The following MALRD1 variants were observed in gnomAD, a reference collection of about 807,000 sequenced individuals.
MALRD1 encodes MAM and LDL-receptor class A domain-containing protein 1.
A neutral mutation model predicts 242.1 loss-of-function variants in MALRD1; 247 were observed. The observed-to-expected ratio is 1.02, with a 90% CI of 0.92 to 1.13. The LOEUF (loss-of-function observed/expected upper bound fraction) is 1.13. Ranked by LOEUF, MALRD1 falls within the 50% of genes most tolerant of loss-of-function variation. The pLI, the probability that MALRD1 is intolerant of heterozygous loss-of-function variation, is 0.00. For synonymous variants in MALRD1, 995 were observed against 866.6 expected (o/e 1.15, Z -2.60); for missense variants, 2,989 against 2,533.1 (o/e 1.18, Z -3.86).
intron 18 of MALRD1, among the ~76,000 whole-genome samples, chr10:19,221,847 A>G (rs943366047): frequency 1.3e-5 from 2 of 152,142 alleles, no homozygotes; most frequent in Admixed American, 6.5e-5. Context: ...ACACATTTAT[A>G]TAACCTACGT....
intron 5 of MALRD1, among the ~76,000 whole-genome samples, chr10:19,117,383 C>T (rs1228437821): frequency 2.6e-5 from 4 of 151,058 alleles, no homozygotes; most frequent in Admixed American, 2.0e-4. Context: ...ACAAGAGCTA[C>T]GTTTTTAATT....
intron 18 of MALRD1, among the ~76,000 whole-genome samples, chr10:19,230,387 CA>C (rs1013441030): frequency 5.4e-5 from 8 of 148,558 alleles, no homozygotes; most frequent in Non-Finnish European, 8.9e-5. Context: ...CACCTGCTTC[CA>C]GGGGGGGCCT....
At chr10:19,446,077 C>CTCCGAGCCGGGCGTGGGACT (rs1834960372) in intron 28 of MALRD1, among the ~76,000 whole-genome samples, 1 of 151,926 alleles carries the variant, frequency 6.6e-6, no homozygotes. Flanking sequence ...GGCGTGGGAC[C>CTCCGAGCCGGGCGTGGGACT]CTCCGAGCCA....
chr10:19,050,708 T>C (rs1021932903), intron 1 of MALRD1, among the ~76,000 whole-genome samples: 1 of 152,208 alleles, frequency 6.6e-6, no homozygotes, highest in Non-Finnish European at 1.5e-5. Context: ...ACTGTGGGCT[T>C]GTTGCACCTT....
intron 16 of MALRD1, 99 bp downstream of exon 16, chr10:19,204,512 C>A: frequency 1.3e-6 from 1 of 772,098 alleles, no homozygotes; most frequent in Non-Finnish European, 2.0e-6. Context: ...CTGTGGTTTA[C>A]TGCTGGTTTT....
intron 36 of MALRD1, among the ~76,000 whole-genome samples, chr10:19,671,837 C>A (rs1014748701): frequency 2.6e-5 from 4 of 152,078 alleles, no homozygotes; most frequent in African/African-American, 9.7e-5. Flanking sequence ...TCACTTGGTA[C>A]CAGGATTTAT....
intron 26 of MALRD1, among the ~76,000 whole-genome samples, chr10:19,374,901 A>G (rs901085939): frequency 6.6e-6 from 1 of 152,194 alleles, no homozygotes; most frequent in African/African-American, 2.4e-5. Flanking sequence ...CATTCTGGGC[A>G]GTCATGTAAC....
Position 19,513,356 on chromosome 10 carries a change from T to A in MALRD1, c.5320+14710T>A, listed in dbSNP as rs139289876. On this transcript the variant is annotated intron_variant, in intron 31 of 39. Coordinates refer to ENST00000454679, the MANE Select transcript of MALRD1 (RefSeq NM_001142308.3). ...TCATGACCATAAGCTTCCTGAGGCCTCACCAGAAGCCAAGCAGATACTGGT... is the reference window on the plus strand; with the variant it reads ...TCATGACCATAAGCTTCCTGAGGCCACACCAGAAGCCAAGCAGATACTGGT... Among the ~76,000 whole-genome samples the A allele has an allele frequency of 1.2e-4, 18 of 152,108 alleles. No homozygotes were observed. The East Asian group carries it at 3.5e-3, about 29-fold the overall frequency.
At chr10:19,110,203 C>CAGTT (rs1163708678) in intron 5 of MALRD1, among the ~76,000 whole-genome samples, 1 of 152,126 alleles carries the variant, frequency 6.6e-6, no homozygotes, top group Non-Finnish European at 1.5e-5. Context: ...CGTCTCTAGT[C>CAGTT]AGTTGTCTTG....
At chr10:19,280,366 C>A in intron 20 of MALRD1, 143 bp downstream of exon 20, 2 of 581,180 alleles carry the variant, frequency 3.4e-6, no homozygotes, top group Non-Finnish European at 5.2e-6. Flanking sequence ...GTTATTCATA[C>A]AGAAAATTGT....
At chr10:19,315,547 A>ATTTAT (rs1842644736) in intron 21 of MALRD1, among the ~76,000 whole-genome samples, 1 of 44,428 alleles carries the variant, frequency 2.3e-5, no homozygotes, top group African/African-American at 1.1e-4. Context: ...AATATATAAA[A>ATTTAT]ATATAAATAT....
intron 28 of MALRD1, among the ~76,000 whole-genome samples, chr10:19,401,398 T>C (rs1465930347): frequency 6.6e-6 from 1 of 152,218 alleles, no homozygotes; most frequent in African/African-American, 2.4e-5. Flanking sequence ...TACCAAATTA[T>C]ATATGGAAAT....
At position 19,348,025 on chromosome 10, in the gene MALRD1, G is replaced by A; in HGVS notation, c.4149+7G>A. 1 of 1,547,662 alleles carries A rather than the reference G, an allele frequency of 6.5e-7. No individual in the cohort carries two copies. On this transcript the variant is annotated splice_region_variant and intron_variant, in intron 25 of 39. Transcript: ENST00000454679. ...GAGAAGCAAAAACTGCAAGGTATGG[G>A]GAAAATCGAACCAACCAACCAAACA...
At chr10:19,612,207 A>G (rs1474765200) in intron 35 of MALRD1, among the ~76,000 whole-genome samples, 2 of 151,980 alleles carry the variant, frequency 1.3e-5, no homozygotes, top group Non-Finnish European at 2.9e-5. Flanking sequence ...TATGTGCTTT[A>G]TCATCTTGGT....
intron 29 of MALRD1, among the ~76,000 whole-genome samples, chr10:19,466,934 A>T (rs867324508): frequency 2.0e-5 from 3 of 152,252 alleles, no homozygotes; most frequent in Middle Eastern, 3.4e-3. Flanking sequence ...CTTTTGAAGC[A>T]TTACCAATTT....
chr10:19,577,674 T>G (rs1424371686), intron 33 of MALRD1, among the ~76,000 whole-genome samples: 1 of 152,156 alleles, frequency 6.6e-6, no homozygotes, highest in Non-Finnish European at 1.5e-5. Flanking sequence ...CAACACTCTG[T>G]CTTAAAGATG....
Position 19,389,478 on chromosome 10 carries a change from G to A in MALRD1, c.4714G>A (p.Ala1572Thr), listed in dbSNP as rs1415067174. The change falls in exon 28 of 40, where the codon GCA becomes ACA. Residue 1572 changes from alanine to threonine, a missense_variant. Ala to Thr is a moderately conservative substitution (Grantham distance 58). Transcript: ENST00000454679. ...GCACTTCATGTATCTGGAAGCTACT[G>A]CAGTGGGCCTTCGGGGTGACAAAGC... ...NGHFMYLEAT[A>T]VGLRGDKAHF... The A allele has an allele frequency of 2.6e-6, 4 of 1,550,482 alleles. No individual in the cohort carries two copies. In the South Asian group the frequency reaches 3.6e-5, roughly 14 times the overall value.
At chr10:19,146,131 C>T (rs1244179927) in intron 10 of MALRD1, 67 bp from the exon 11 acceptor site, 5 of 1,150,762 alleles carry the variant, frequency 4.3e-6, no homozygotes, top group Middle Eastern at 3.3e-4. Context: ...GATTAGCTAG[C>T]GTAGAGCAGT....
intron 19 of MALRD1, among the ~76,000 whole-genome samples, chr10:19,275,314 ACT>A: frequency 6.6e-6 from 1 of 152,306 alleles, no homozygotes; most frequent in East Asian, 1.9e-4. Context: ...AGTTATTGAC[ACT>A]CAATTCGCTG....
Sources: allele counts gnomAD v4.1 joint callset (sites outside exome capture counted in the v4.1 genomes callset), GRCh38; gene constraint gnomAD v4.1.1; transcripts MANE v1.5; gene names NCBI Gene and HGNC (gene_info 2026-07-23, HGNC 2026-07-21).